TMEM132D: variants seen among roughly 807,000 people sequenced by gnomAD.
The protein encoded by TMEM132D is transmembrane protein 132D.
TMEM132D carries 21 observed loss-of-function variants against 62.3 expected under a neutral mutation model. The ratio of observed to expected loss-of-function variants is 0.34; its 90% CI spans 0.24 to 0.49. TMEM132D has a LOEUF of 0.49. Ranked by LOEUF, TMEM132D falls within the 20% of genes least tolerant of loss-of-function variation. TMEM132D has a pLI of 0.99. For missense variants in TMEM132D, 1,346 were observed against 1,402.8 expected (o/e 0.96, Z 0.65); for synonymous variants, 621 against 575.6 (o/e 1.08, Z -1.13).
At chr12:129,529,911 C>G (rs1876166137) in intron 3 of TMEM132D, among the ~76,000 whole-genome samples, 1 of 152,146 alleles carries the variant, frequency 6.6e-6, no homozygotes, top group Non-Finnish European at 1.5e-5. Flanking sequence ...ATAAGTTCAC[C>G]CAGTTCACCA....
At chr12:129,415,754 G>A (rs540289107) in intron 3 of TMEM132D, among the ~76,000 whole-genome samples, 1 of 152,316 alleles carries the variant, frequency 6.6e-6, no homozygotes, top group South Asian at 2.1e-4. Flanking sequence ...ATGGCAGGGA[G>A]GGCAAACAAT....
chr12:129,781,745 G>T (rs532387497), intron 1 of TMEM132D, among the ~76,000 whole-genome samples: 298 of 152,270 alleles, frequency 2.0e-3, no homozygotes, highest in Non-Finnish European at 3.3e-3. Context: ...CATCACATTG[G>T]CAACAGCTTC....
intron 1 of TMEM132D, among the ~76,000 whole-genome samples, chr12:129,817,590 ATGGTGTG>A (rs1872384614): frequency 1.8e-5 from 1 of 54,508 alleles, no homozygotes; most frequent in African/African-American, 4.8e-5. Context: ...TAAAGATAAG[ATGGTGTG>A]TGTGTGTGTG....
intron 3 of TMEM132D, among the ~76,000 whole-genome samples, chr12:129,457,803 C>CT (rs1873525008): frequency 6.6e-6 from 1 of 152,172 alleles, no homozygotes; most frequent in African/African-American, 2.4e-5. Flanking sequence ...AACTCACTCA[C>CT]TATCATGAGA....
At chr12:129,299,561 T>C (rs897990680) in intron 4 of TMEM132D, among the ~76,000 whole-genome samples, 5 of 152,010 alleles carry the variant, frequency 3.3e-5, no homozygotes, top group African/African-American at 9.7e-5. Flanking sequence ...GAGAATGTTT[T>C]GTATGTGACA....
chr12:129,677,841 T>C (rs1444207654), intron 2 of TMEM132D, among the ~76,000 whole-genome samples: 4 of 151,964 alleles, frequency 2.6e-5, no homozygotes, highest in Non-Finnish European at 5.9e-5. Context: ...CTTTTTTTTT[T>C]TTTTTCTATA....
At chr12:129,769,099 A>T (rs948015079) in intron 1 of TMEM132D, among the ~76,000 whole-genome samples, 5 of 152,302 alleles carry the variant, frequency 3.3e-5, no homozygotes, top group African/African-American at 1.2e-4. Flanking sequence ...AGATTTCATC[A>T]TTTTATAAGA....
At chr12:129,832,917 T>A (rs759741279) in intron 1 of TMEM132D, among the ~76,000 whole-genome samples, 13 of 152,200 alleles carry the variant, frequency 8.5e-5, no homozygotes, top group Non-Finnish European at 1.8e-4. Context: ...TGCTAAGAAC[T>A]AGCAAACTCA....
chr12:129,646,788 T>G (rs1198194369), intron 2 of TMEM132D, among the ~76,000 whole-genome samples: 1 of 144,076 alleles, frequency 6.9e-6, no homozygotes, highest in East Asian at 2.1e-4. Flanking sequence ...AACACACATA[T>G]AAATAACATG....
intron 3 of TMEM132D, among the ~76,000 whole-genome samples, chr12:129,339,203 G>A (rs568314379): frequency 6.6e-6 from 1 of 151,892 alleles, no homozygotes; most frequent in Non-Finnish European, 1.5e-5. Flanking sequence ...GGAGGCAGAG[G>A]TTGCAGTGAG....
At chr12:129,636,145 T>C (rs1879470268) in intron 2 of TMEM132D, among the ~76,000 whole-genome samples, 1 of 152,200 alleles carries the variant, frequency 6.6e-6, no homozygotes, top group Non-Finnish European at 1.5e-5. Context: ...ATGGCAAATA[T>C]TTCCTGCTTA....
chr12:129,099,794 G>A (rs1211395650), intron 5 of TMEM132D, among the ~76,000 whole-genome samples: 2 of 151,460 alleles, frequency 1.3e-5, no homozygotes, highest in African/African-American at 2.4e-5. Context: ...AAGTGGGAGC[G>A]AAACCCACTT....
chr12:129,859,758 C>A (rs898263596), intron 1 of TMEM132D, among the ~76,000 whole-genome samples: 1 of 152,182 alleles, frequency 6.6e-6, no homozygotes, highest in Non-Finnish European at 1.5e-5. Flanking sequence ...CCTTTGGATT[C>A]TTGGACTTAC....
At chr12:129,429,917 C>CT (rs1872607123) in intron 3 of TMEM132D, among the ~76,000 whole-genome samples, 2 of 151,612 alleles carry the variant, frequency 1.3e-5, no homozygotes, top group African/African-American at 4.8e-5. Flanking sequence ...TGAACTCATC[C>CT]TTTTTTATGG....
At chr12:129,617,844 C>T (rs61943555) in intron 2 of TMEM132D, among the ~76,000 whole-genome samples, 2,683 of 152,218 alleles carry the variant, frequency 0.018, 35 homozygotes, top group Non-Finnish European at 0.026. Flanking sequence ...GGCCCCGCCA[C>T]CTAATACATG....
intron 5 of TMEM132D, among the ~76,000 whole-genome samples, chr12:129,181,424 A>C (rs1015277533): frequency 2.6e-5 from 4 of 152,180 alleles, no homozygotes; most frequent in African/African-American, 9.7e-5. Context: ...GCTAGGATTC[A>C]TCCTCCAACA....
chr12:129,337,325 G>A (rs1045927237), intron 4 of TMEM132D, among the ~76,000 whole-genome samples: 1 of 152,042 alleles, frequency 6.6e-6, no homozygotes, highest in Non-Finnish European at 1.5e-5. Context: ...CTATCGAGTC[G>A]TCAACAATTT....
intron 2 of TMEM132D, among the ~76,000 whole-genome samples, chr12:129,675,878 T>C (rs961003981): frequency 6.6e-6 from 1 of 152,152 alleles, no homozygotes; most frequent in African/African-American, 2.4e-5. Context: ...AACTTAACCA[T>C]AGAGTCTGAG....
chr12:129,516,986 A>T (rs1056131010), intron 3 of TMEM132D, among the ~76,000 whole-genome samples: 4 of 151,990 alleles, frequency 2.6e-5, no homozygotes, highest in Admixed American at 2.0e-4. Context: ...TCTGACACCA[A>T]ATCTCCCTCT....
Sources: gnomAD v4.1 joint callset for allele counts (sites outside exome capture counted in the v4.1 genomes callset) on GRCh38, gnomAD v4.1.1 for gene constraint, MANE v1.5 for transcripts, NCBI Gene and HGNC (gene_info 2026-07-23, HGNC 2026-07-21) for gene names.